B3GLCT: variants seen among roughly 807,000 people sequenced by gnomAD.
B3GLCT encodes beta 3-glucosyltransferase.
A neutral mutation model predicts 63.4 loss-of-function variants in B3GLCT; 65 were observed. The observed-to-expected ratio is 1.03, with a 90% CI of 0.84 to 1.26. The LOEUF (loss-of-function observed/expected upper bound fraction) is 1.26. Ranked by LOEUF, B3GLCT falls within the 50% of genes most tolerant of loss-of-function variation. B3GLCT has a pLI of 0.00. For missense variants in B3GLCT, 577 were observed against 604.8 expected, an observed-to-expected ratio of 0.95 and a Z score of 0.48; for synonymous variants, 233 against 219.2, an observed-to-expected ratio of 1.06 and a Z score of -0.55.
intron 12 of B3GLCT, among the ~76,000 whole-genome samples, chr13:31,296,764 T>G (rs942196721): frequency 6.6e-6 from 1 of 152,192 alleles, no homozygotes; most frequent in Non-Finnish European, 1.5e-5. Flanking sequence ...TTTTTTTTAA[T>G]TGTGGTAAAG....
At chr13:31,212,467 G>A (rs917855680) in intron 1 of B3GLCT, among the ~76,000 whole-genome samples, 2 of 151,968 alleles carry the variant, frequency 1.3e-5, no homozygotes, top group South Asian at 2.1e-4. Context: ...TAGAGATGGG[G>A]TTTCACTGTT....
intron 2 of B3GLCT, among the ~76,000 whole-genome samples, chr13:31,216,160 G>T (rs895736793): frequency 1.3e-5 from 2 of 152,172 alleles, no homozygotes; most frequent in Non-Finnish European, 2.9e-5. Flanking sequence ...TATCAACAGG[G>T]TGTTTATTAT....
chr13:31,207,572 T>C (rs1206023743), intron 1 of B3GLCT, among the ~76,000 whole-genome samples: 1 of 152,188 alleles, frequency 6.6e-6, no homozygotes, highest in Non-Finnish European at 1.5e-5. Flanking sequence ...TTTTTCACTA[T>C]CTACTGTGCT....
chr13:31,214,715 C>T (rs948546413), intron 1 of B3GLCT, among the ~76,000 whole-genome samples: 2 of 152,210 alleles, frequency 1.3e-5, no homozygotes, highest in Non-Finnish European at 2.9e-5. Flanking sequence ...TAAGAAGGCA[C>T]CAGACTTAAG....
At chr13:31,237,241 G>A (rs1213126381) in intron 4 of B3GLCT, among the ~76,000 whole-genome samples, 1 of 151,746 alleles carries the variant, frequency 6.6e-6, no homozygotes, top group Admixed American at 6.6e-5. Flanking sequence ...AATGAAAATA[G>A]AGAAATAAGA....
chr13:31,284,654 T>G lies in B3GLCT; in HGVS notation c.857T>G (p.Ile286Ser). ...ACCTCTGTAATTTTTTCAGTACCTATTGTTAAGCAGACTTGGGAGAGCCAG... is the reference window on the plus strand; with the variant it reads ...ACCTCTGTAATTTTTTCAGTACCTAGTGTTAAGCAGACTTGGGAGAGCCAG... The part of the protein sequence containing the change: ...CKKFHGDRIP[I>S]VKQTWESQAS... The change falls in exon 11 of 15, where the codon ATT (isoleucine) becomes AGT (serine). Residue 286 changes from isoleucine to serine, a missense_variant. Ile to Ser is a moderately radical substitution (Grantham distance 142, BLOSUM62 -2). Transcript: ENST00000343307. 6.3e-7 allele frequency: 1 copy of G among 1,588,584 alleles called. No homozygotes were observed. Among genetic ancestry groups the G allele is most frequent in the Non-Finnish European group, 8.6e-7 (1 of 1,156,822 alleles).
At chr13:31,290,689 C>T (rs1481229316) in intron 12 of B3GLCT, among the ~76,000 whole-genome samples, 1 of 152,116 alleles carries the variant, frequency 6.6e-6, no homozygotes, top group African/African-American at 2.4e-5. Flanking sequence ...TATCCTTTGT[C>T]CACTTTTTGA....
chr13:31,207,429 C>A (rs1297963490), intron 1 of B3GLCT, among the ~76,000 whole-genome samples: 1 of 152,038 alleles, frequency 6.6e-6, no homozygotes, highest in Non-Finnish European at 1.5e-5. Flanking sequence ...AATCTCACCC[C>A]CAAGACTGTT....
chr13:31,259,635 G>A (rs1490708056), intron 6 of B3GLCT, among the ~76,000 whole-genome samples: 2 of 151,554 alleles, frequency 1.3e-5, no homozygotes, highest in Non-Finnish European at 2.9e-5. Context: ...CTCTTTCAAG[G>A]TCTCCAGCTC....
At chr13:31,213,848 C>T (rs1174349341) in intron 1 of B3GLCT, among the ~76,000 whole-genome samples, 2 of 151,994 alleles carry the variant, frequency 1.3e-5, no homozygotes, top group Non-Finnish European at 2.9e-5. Flanking sequence ...CTACTGTTAT[C>T]TAAATTGTTC....
intron 6 of B3GLCT, among the ~76,000 whole-genome samples, chr13:31,252,704 A>G (rs1386971762): frequency 1.4e-5 from 2 of 147,800 alleles, no homozygotes; most frequent in South Asian, 4.3e-4. Context: ...AGGAGCACCC[A>G]GATTCATAAA....
At position 31,331,513 on chromosome 13, in the gene B3GLCT, C is replaced by G. The variant is rs1347521760; in HGVS notation, c.*1845C>G. The G allele has an allele frequency of 7.1e-6, 1 of 141,614 alleles. No individual in the cohort carries two copies. Among genetic ancestry groups the G allele is most frequent in the African/African-American group, 2.7e-5 (1 of 37,354 alleles). The allele number at this position is 141,614 out of a possible 1,614,324, so 8.8% of individuals were successfully genotyped here. A position where few individuals can be genotyped will look rare whatever the true frequency, so the allele number is the denominator to read the frequency against. On this transcript the variant is annotated 3_prime_UTR_variant, in exon 15 of 15. Coordinates refer to ENST00000343307, the MANE Select transcript of B3GLCT (RefSeq NM_194318.4). ...GTAAGCCTAACCACAAGTAAAAGAT[C>G]TTTGCCTAAGTTTTTGATTTCTCAA...
chr13:31,252,028 A>G (rs1593274156), intron 6 of B3GLCT, among the ~76,000 whole-genome samples: 1 of 152,168 alleles, frequency 6.6e-6, no homozygotes, highest in Non-Finnish European at 1.5e-5. Flanking sequence ...CTCAGCAGAA[A>G]CCCTACAAGC....
At chr13:31,317,714 A>G (rs373560390) in intron 13 of B3GLCT, 29 bp downstream of exon 13, 10 of 1,613,380 alleles carry the variant, frequency 6.2e-6, no homozygotes, top group Non-Finnish European at 7.6e-6. Context: ...TTCTTCAACT[A>G]CTTTAAACAT....
intron 7 of B3GLCT, among the ~76,000 whole-genome samples, chr13:31,268,045 T>C (rs1251355313): frequency 1.3e-5 from 2 of 152,126 alleles, no homozygotes; most frequent in Non-Finnish European, 2.9e-5. Context: ...TATGTTAAAC[T>C]ATGTTGCCCA....
intron 4 of B3GLCT, among the ~76,000 whole-genome samples, chr13:31,234,917 G>C (rs1423761245): frequency 6.6e-6 from 1 of 152,134 alleles, no homozygotes; most frequent in African/African-American, 2.4e-5. Context: ...TCCCCTGGTG[G>C]CCTTAGGGAG....
In B3GLCT at chr13:31,309,799, A is replaced by G. The variant is rs569956756; in HGVS notation, c.1065-7767A>G. On this transcript the variant is annotated intron_variant, in intron 12 of 14. Coordinates refer to ENST00000343307, the MANE Select transcript of B3GLCT (RefSeq NM_194318.4). ...CATTATATAGGCATGATTGACAACCATTTAAAAATGTGATTGAACAAGAAG... is the reference window on the plus strand; with the variant it reads ...CATTATATAGGCATGATTGACAACCGTTTAAAAATGTGATTGAACAAGAAG... 1.1e-4 allele frequency among the ~76,000 whole-genome samples: 17 copies of G among 152,296 alleles called. No homozygotes were observed. The South Asian group carries it at 3.3e-3, about 30-fold the overall frequency.
chr13:31,234,019 T>C (rs919216137), intron 4 of B3GLCT, among the ~76,000 whole-genome samples: 2 of 150,678 alleles, frequency 1.3e-5, no homozygotes, highest in African/African-American at 4.9e-5. Flanking sequence ...TTTTTTTTTT[T>C]CTTTTCCTTT....
chr13:31,287,510 A>G (rs1593298279), intron 12 of B3GLCT, among the ~76,000 whole-genome samples: 3 of 152,194 alleles, frequency 2.0e-5, no homozygotes, highest in African/African-American at 7.2e-5. Context: ...ATACAAGAAA[A>G]TGAAACTGTT....
Sources: allele counts gnomAD v4.1 joint callset (sites outside exome capture counted in the v4.1 genomes callset), GRCh38; gene constraint gnomAD v4.1.1; transcripts MANE v1.5; gene names NCBI Gene and HGNC (gene_info 2026-07-23, HGNC 2026-07-21).